The following UBE3D variants were observed in gnomAD, a reference collection of about 807,000 sequenced individuals.
UBE3D encodes E3 ubiquitin-protein ligase E3D.
Under a neutral mutation model 49.6 loss-of-function variants are expected in UBE3D, and 48 were observed. The ratio of observed to expected loss-of-function variants is 0.97; its 90% confidence interval spans 0.77 to 1.23. UBE3D has a LOEUF of 1.23. Ranked by LOEUF, UBE3D falls within the 50% of genes most tolerant of loss-of-function variation. The probability of loss-of-function intolerance (pLI) is 0.00; values close to 1 mark genes in which losing one functional copy is unlikely to be tolerated. For synonymous variants in UBE3D, 189 were observed against 174.2 expected, an observed-to-expected ratio of 1.08 and a Z score of -0.67; for missense variants, 452 against 468.4, an observed-to-expected ratio of 0.96 and a Z score of 0.32.
At chr6:82,956,926 G>A (rs912701727) in intron 9 of UBE3D, among the ~76,000 whole-genome samples, 2 of 152,116 alleles carry the variant, frequency 1.3e-5, no homozygotes, top group African/African-American at 2.4e-5. Flanking sequence ...TCAGGAGTTC[G>A]AGACCAGCCT....
intron 3 of UBE3D, among the ~76,000 whole-genome samples, chr6:83,049,392 T>C (rs371659558): frequency 4.6e-5 from 7 of 152,158 alleles, no homozygotes; most frequent in African/African-American, 1.7e-4. Context: ...CCTACAAAAC[T>C]AGCTTTAGCA....
intron 8 of UBE3D, among the ~76,000 whole-genome samples, chr6:83,007,914 C>T (rs1780088496): frequency 2.0e-5 from 3 of 151,972 alleles, no homozygotes; most frequent in African/African-American, 4.8e-5. Context: ...CACTACACTC[C>T]AGCCTGGGTG....
At chr6:82,950,882 T>G (rs1775741114) in intron 9 of UBE3D, among the ~76,000 whole-genome samples, 1 of 152,116 alleles carries the variant, frequency 6.6e-6, no homozygotes, top group Non-Finnish European at 1.5e-5. Context: ...TGTTCTCACT[T>G]ACTTGTGGGA....
intron 8 of UBE3D, among the ~76,000 whole-genome samples, chr6:82,981,171 G>A (rs1778094145): frequency 6.6e-6 from 1 of 152,062 alleles, no homozygotes; most frequent in South Asian, 2.1e-4. Context: ...GAACATGCAC[G>A]TTTCTCCCAG....
intron 9 of UBE3D, among the ~76,000 whole-genome samples, chr6:82,946,384 A>C (rs938792709): frequency 6.6e-6 from 1 of 152,100 alleles, no homozygotes; most frequent in Non-Finnish European, 1.5e-5. Context: ...AAAAAAAAAA[A>C]TTTACCCTAG....
intron 9 of UBE3D, among the ~76,000 whole-genome samples, chr6:82,955,979 A>G (rs1285112509): frequency 2.6e-5 from 4 of 152,238 alleles, no homozygotes; most frequent in Admixed American, 6.5e-5. Flanking sequence ...ACTGTACTCT[A>G]TGAGTGCCTG....
At chr6:83,023,391 A>G (rs1277523716) in intron 6 of UBE3D, among the ~76,000 whole-genome samples, 1 of 152,190 alleles carries the variant, frequency 6.6e-6, no homozygotes, top group East Asian at 1.9e-4. Flanking sequence ...AAATCCTCAA[A>G]ACTTTTATAT....
intron 9 of UBE3D, among the ~76,000 whole-genome samples, chr6:82,914,453 G>A (rs1056223936): frequency 6.6e-6 from 1 of 152,164 alleles, no homozygotes; most frequent in Admixed American, 6.5e-5. Flanking sequence ...TTTCCAAGGT[G>A]CCACAAGTGG....
intron 3 of UBE3D, among the ~76,000 whole-genome samples, chr6:83,047,944 TG>T (rs1783183292): frequency 6.6e-6 from 1 of 151,252 alleles, no homozygotes; most frequent in South Asian, 2.1e-4. Context: ...TAGCCGGGAG[TG>T]CTGGCGGGCA....
chr6:83,040,133 C>T lies in UBE3D; in HGVS notation c.598-1648G>A, dbSNP rs139579242. 5.1e-3 allele frequency among the ~76,000 whole-genome samples: 780 copies of T among 152,062 alleles called. 10 individuals carry two copies. Among genetic ancestry groups the T allele is most frequent in the African/African-American group, 0.018 (744 of 41,462 alleles). On this transcript the variant is annotated intron_variant, in intron 4 of 9. Coordinates refer to ENST00000369747, the MANE Select transcript of UBE3D (RefSeq NM_198920.3). ...GGCACCATGGCTCACACCTGTAATC[C>T]CAGCACTTTTGGAGGCCAAGGCAGC...
intron 1 of UBE3D, chr6:83,063,219 C>A: frequency 1.3e-5 from 3 of 237,876 alleles, no homozygotes; most frequent in Non-Finnish European, 1.7e-5. Flanking sequence ...TCAAGACCAG[C>A]ATGGGCAATA....
chr6:82,902,002 T>G (rs141981165), intron 9 of UBE3D, among the ~76,000 whole-genome samples: 114 of 152,308 alleles, frequency 7.5e-4, no homozygotes, highest in Middle Eastern at 6.8e-3. Context: ...TGATATGCCC[T>G]GATGTGGCAT....
intron 9 of UBE3D, among the ~76,000 whole-genome samples, chr6:82,897,217 C>T (rs891803304): frequency 1.3e-5 from 2 of 151,796 alleles, no homozygotes; most frequent in Non-Finnish European, 2.9e-5. Context: ...AGTGCATGTT[C>T]AAAGTTATGA....
At chr6:82,908,001 G>A (rs947697337) in intron 9 of UBE3D, among the ~76,000 whole-genome samples, 1 of 152,000 alleles carries the variant, frequency 6.6e-6, no homozygotes, top group African/African-American at 2.4e-5. Context: ...ATACTTCTCT[G>A]CAACAAAAAA....
chr6:82,944,020 G>A (rs765966707), intron 9 of UBE3D, among the ~76,000 whole-genome samples: 1 of 152,034 alleles, frequency 6.6e-6, no homozygotes, highest in Non-Finnish European at 1.5e-5. Flanking sequence ...GTGCTCTGGG[G>A]CCATAAAAAA....
intron 1 of UBE3D, among the ~76,000 whole-genome samples, chr6:83,063,397 G>A (rs1295000292): frequency 1.7e-5 from 2 of 118,786 alleles, no homozygotes; most frequent in African/African-American, 6.6e-5. Flanking sequence ...CTGGGCAGTA[G>A]AGCAAGACGC....
At chr6:83,065,520 G>GGCTCTAC in intron 1 of UBE3D, 122 bp downstream of exon 1, 1 of 875,418 alleles carries the variant, frequency 1.1e-6, no homozygotes, top group Non-Finnish European at 1.8e-6. Flanking sequence ...GTGATCGAGA[G>GGCTCTAC]GCTCTACGCA....
chr6:82,970,795 C>T (rs1182773979), intron 8 of UBE3D, among the ~76,000 whole-genome samples: 4 of 151,988 alleles, frequency 2.6e-5, no homozygotes, highest in Non-Finnish European at 4.4e-5. Flanking sequence ...GTCAAGGTCA[C>T]GCCACTGCAC....
chr6:83,054,021 G>T, intron 3 of UBE3D, 127 bp downstream of exon 3: 1 of 728,266 alleles, frequency 1.4e-6, no homozygotes, highest in East Asian at 2.7e-5. Flanking sequence ...TGTTCAAAGT[G>T]ACATTAAGCT....
Sources: allele counts gnomAD v4.1 joint callset (sites outside exome capture counted in the v4.1 genomes callset), GRCh38; gene constraint gnomAD v4.1.1; transcripts MANE v1.5; gene names NCBI Gene and HGNC (gene_info 2026-07-23, HGNC 2026-07-21).